Variants in PDXDC1 observed in about 807,000 individuals in gnomAD.
PDXDC1 encodes the protein pyridoxal-dependent decarboxylase domain-containing protein 1.
In PDXDC1, 42 loss-of-function variants were observed where a neutral mutation model predicts 100.1. The observed-to-expected ratio is 0.42, with a 90% confidence interval of 0.33 to 0.54. The LOEUF (loss-of-function observed/expected upper bound fraction) is 0.54, where lower values mean the gene tolerates loss of function less well. Ranked by LOEUF, PDXDC1 falls within the 20% of genes least tolerant of loss-of-function variation. The probability of loss-of-function intolerance (pLI) is 0.10; values close to 1 mark genes in which losing one functional copy is unlikely to be tolerated. For synonymous variants in PDXDC1, 260 were observed against 371.7 expected, an observed-to-expected ratio of 0.70 and a Z score of 3.46; for missense variants, 636 against 979.2, an observed-to-expected ratio of 0.65 and a Z score of 4.68.
intron 16 of PDXDC1, chr16:15,130,370 G>C (rs2047984422): frequency 1.3e-6 from 2 of 1,570,320 alleles, no homozygotes; most frequent in Non-Finnish European, 8.6e-7. Flanking sequence ...ACAGGGACGT[G>C]TACAGGCCCA....
At chr16:15,053,563 T>TC (rs1376218942) in intron 16 of PDXDC1, among the ~76,000 whole-genome samples, 1 of 152,234 alleles carries the variant, frequency 6.6e-6, no homozygotes, top group Non-Finnish European at 1.5e-5. Flanking sequence ...TACTTTTTTT[T>TC]CTGTATTATT....
intron 16 of PDXDC1, among the ~76,000 whole-genome samples, chr16:15,078,714 C>T (rs1283955776): frequency 2.6e-5 from 4 of 151,912 alleles, no homozygotes; most frequent in East Asian, 3.9e-4. Flanking sequence ...TCTGCAGCCA[C>T]GACTGCCTGT....
chr16:15,002,432 T>A (rs1973358027), intron 4 of PDXDC1, among the ~76,000 whole-genome samples: 1 of 152,300 alleles, frequency 6.6e-6, no homozygotes, highest in South Asian at 2.1e-4. Flanking sequence ...ACATAATTAC[T>A]ATGCATATGC....
At chr16:15,098,406 G>T (rs2151842539) in intron 16 of PDXDC1, among the ~76,000 whole-genome samples, 1 of 151,786 alleles carries the variant, frequency 6.6e-6, no homozygotes, top group East Asian at 2.0e-4. Context: ...TCTCCATGTT[G>T]CCCAGGCTGG....
intron 14 of PDXDC1, among the ~76,000 whole-genome samples, chr16:15,027,308 C>T (rs1284700248): frequency 3.9e-5 from 6 of 152,294 alleles, no homozygotes; most frequent in Non-Finnish European, 8.8e-5. Flanking sequence ...GGAGAGCATA[C>T]AGACGGGCAG....
At chr16:15,022,916 C>CAA (rs1218602233) in intron 13 of PDXDC1, among the ~76,000 whole-genome samples, 162 bp downstream of exon 13, 2 of 152,348 alleles carry the variant, frequency 1.3e-5, no homozygotes, top group East Asian at 3.9e-4. Context: ...AAAACAAAAA[C>CAA]AAAAAAACCT....
chr16:15,150,033 G>A, the PDXDC1 span, among the ~76,000 whole-genome samples: 5 of 151,998 alleles, frequency 3.3e-5, no homozygotes, highest in African/African-American at 9.7e-5. Context: ...AAGAGAGGAA[G>A]GGAAGCTCCT....
chr16:15,080,442 T>C (rs572122134), intron 16 of PDXDC1, among the ~76,000 whole-genome samples: 1 of 152,316 alleles, frequency 6.6e-6, no homozygotes, highest in African/African-American at 2.4e-5. Context: ...AGAACATTTA[T>C]TTTTCTTTTA....
At chr16:15,039,186 C>T (rs183377870), downstream of PDXDC1, among the ~76,000 whole-genome samples, 1 of 152,334 alleles carries the variant, frequency 6.6e-6, no homozygotes, top group African/African-American at 2.4e-5. Context: ...CCAATGGCAG[C>T]CTCAGCTTAC....
At chr16:15,056,003 A>C in intron 16 of PDXDC1, 1 of 1,159,532 alleles carries the variant, frequency 8.6e-7, no homozygotes, top group Non-Finnish European at 1.1e-6. Flanking sequence ...AGGCCCAGGG[A>C]GGCGGCGGCC....
chr16:15,062,835 T>C (rs1397692137), intron 16 of PDXDC1, among the ~76,000 whole-genome samples: 3 of 152,216 alleles, frequency 2.0e-5, no homozygotes, highest in African/African-American at 7.2e-5. Context: ...TGGAATTTTA[T>C]AAAGGCAGAA....
At chr16:15,068,308 A>G in intron 16 of PDXDC1, 1 of 1,564,872 alleles carries the variant, frequency 6.4e-7, no homozygotes, top group Admixed American at 2.1e-5. Flanking sequence ...AGATTTTTTT[A>G]AAGGTACAAA....
At chr16:15,143,901 C>T (rs1379619745), downstream of PDXDC1, among the ~76,000 whole-genome samples, 1 of 152,224 alleles carries the variant, frequency 6.6e-6, no homozygotes, top group East Asian at 1.9e-4. Context: ...ATTCCAGACG[C>T]GTGTGGTCAG....
intron 16 of PDXDC1, among the ~76,000 whole-genome samples, chr16:15,124,957 A>G (rs1950973997): frequency 6.6e-6 from 1 of 151,082 alleles, no homozygotes; most frequent in Non-Finnish European, 1.5e-5. Flanking sequence ...GACCAGCCTC[A>G]CCAACATGCT....
intron 1 of PDXDC1, among the ~76,000 whole-genome samples, chr16:14,995,672 G>A (rs1971810787): frequency 6.6e-6 from 1 of 152,294 alleles, no homozygotes; most frequent in African/African-American, 2.4e-5. Flanking sequence ...AGTTAGGGAG[G>A]ATTTCCTCTT....
intron 1 of PDXDC1, among the ~76,000 whole-genome samples, chr16:14,987,096 GA>G (rs1241551174): frequency 6.6e-4 from 98 of 147,702 alleles, no homozygotes; most frequent in Middle Eastern, 3.5e-3. Flanking sequence ...GTGGAAAAAG[GA>G]AAAAAAAAAA....
downstream of PDXDC1, among the ~76,000 whole-genome samples, chr16:15,041,412 T>G (rs9926473): frequency 0.9 from 136,067 of 151,950 alleles, 62,912 homozygotes; most frequent in East Asian, 1. Context: ...TCCTTCCTGG[T>G]AGACGAGGGG....
Position 15,038,033 on chromosome 16 carries a change from A to AACTT in PDXDC1, c.*1759_*1762dup, listed in dbSNP as rs1481933838. ...CTTTCTTTGGTAATTCATGTTTTTT[A>AACTT]ACTTCCTGGAGAAGAGATCTTTTCC... is the stretch of plus-strand genomic sequence containing the variant. On this transcript the variant is annotated 3_prime_UTR_variant, in exon 23 of 23. Coordinates refer to ENST00000396410, the MANE Select transcript of PDXDC1 (RefSeq NM_015027.4). 4 of 1,609,122 alleles carry AACTT rather than the reference A, an allele frequency of 2.5e-6. No homozygotes were observed. The highest frequency in any genetic ancestry group is 3.4e-6 in the Non-Finnish European group (4 of 1,178,132).
At chr16:15,133,644 A>G (rs2048212940) in intron 16 of PDXDC1, 1 of 1,383,892 alleles carries the variant, frequency 7.2e-7, no homozygotes, top group Non-Finnish European at 1.0e-6. Flanking sequence ...CCCTGGCGAC[A>G]GCGCTGCAGC....
Sources: allele counts gnomAD v4.1 joint callset (sites outside exome capture counted in the v4.1 genomes callset), GRCh38; gene constraint gnomAD v4.1.1; transcripts MANE v1.5; gene names NCBI Gene and HGNC (gene_info 2026-07-23, HGNC 2026-07-21).